Variants in ITSN1 observed in about 807,000 individuals in gnomAD.
ITSN1 encodes the protein intersectin 1.
A neutral mutation model predicts 239.8 loss-of-function variants in ITSN1; 58 were observed. That is an observed-to-expected ratio of 0.24 (90% CI 0.20 to 0.30). ITSN1 has a LOEUF of 0.30. Among genes scored for constraint, ITSN1 ranks in the 10% least tolerant of loss-of-function variants. The probability of loss-of-function intolerance (pLI) is 1.00; values close to 1 mark genes in which losing one functional copy is unlikely to be tolerated. For synonymous variants in ITSN1, 780 were observed against 770.8 expected (o/e 1.01, Z -0.20); for missense variants, 1,558 against 2,103.3 (o/e 0.74, Z 5.07).
chr21:33,688,215 T>G (rs1192879598), intron 1 of ITSN1, among the ~76,000 whole-genome samples: 1 of 152,202 alleles, frequency 6.6e-6, no homozygotes, highest in African/African-American at 2.4e-5. Context: ...CCATGAAGTT[T>G]AGGAAACTAA....
chr21:33,824,323 C>G (rs1267251458), intron 25 of ITSN1, among the ~76,000 whole-genome samples: 1 of 152,132 alleles, frequency 6.6e-6, no homozygotes, highest in Non-Finnish European at 1.5e-5. Context: ...GGACCTACCA[C>G]AGAGCATGGG....
chr21:33,787,164 G>T (rs567218388), intron 16 of ITSN1, among the ~76,000 whole-genome samples: 1 of 152,248 alleles, frequency 6.6e-6, no homozygotes, highest in Non-Finnish European at 1.5e-5. Flanking sequence ...GCTGGACAAG[G>T]TACTGTATAC....
In ITSN1 at chr21:33,765,912, G is replaced by C. The variant is rs1364810311; in HGVS notation, c.826G>C (p.Ala276Pro). The C allele has an allele frequency of 6.2e-7, 1 of 1,614,084 alleles. No individual in the cohort carries two copies. The highest frequency in any genetic ancestry group is 8.5e-7 in the Non-Finnish European group (1 of 1,179,954). The change falls in exon 10 of 40, where the codon GCA becomes CCA. Residue 276 changes from alanine to proline, a missense_variant. This residue lies in a region of ITSN1 where 982 missense variants were observed against 1,209.9 expected (regional missense o/e 0.81). Transcript: ENST00000381318. ...CATTGATCAAGATGGAAAACTTACA[G>C]CAGAGGAATTTATCCTGGCAATGCA... ...SDIDQDGKLT[A>P]EEFILAMHLI...
intron 16 of ITSN1, among the ~76,000 whole-genome samples, chr21:33,786,768 G>A (rs141367122): frequency 4.3e-4 from 65 of 152,298 alleles, no homozygotes; most frequent in Non-Finnish European, 6.3e-4. Flanking sequence ...TGTCTAGTCA[G>A]TGTGTACTGG....
Position 33,867,220 on chromosome 21 carries a change from C to T in ITSN1, c.4075-13C>T, listed in dbSNP as rs761952894. The T allele has an allele frequency of 1.3e-6, 2 of 1,539,836 alleles. No individual in the cohort carries two copies. Among genetic ancestry groups the T allele is most frequent in the Admixed American group, 1.7e-5 (1 of 59,798 alleles). On this transcript the variant is annotated splice_polypyrimidine_tract_variant and intron_variant, in intron 32 of 39. Transcript: ENST00000381318. ...CAAGTTTCTTAAGTACATTTAAAAA[C>T]ATCTCATTTCAGAGATTGGCAATGG...
chr21:33,890,352 A>G lies in ITSN1; in HGVS notation c.*2052A>G, dbSNP rs1427402276. ...TCTTCATTGACTTTATTTGCGTGTT[A>G]ATGTTGGACATCATTGTTCATGTAG... On this transcript the variant is annotated 3_prime_UTR_variant, in exon 40 of 40. Coordinates refer to ENST00000381318, the MANE Select transcript of ITSN1 (RefSeq NM_003024.3). 1.3e-5 allele frequency: 2 copies of G among 152,170 alleles called. No individual in the cohort carries two copies. The highest frequency in any genetic ancestry group is 1.3e-4 in the Admixed American group (2 of 15,290). The allele number at this position is 152,170 out of a possible 1,614,324, so 9.4% of individuals were successfully genotyped here.
intron 1 of ITSN1, among the ~76,000 whole-genome samples, chr21:33,676,018 A>G (rs1442204307): frequency 2.0e-5 from 3 of 150,600 alleles, no homozygotes; most frequent in Admixed American, 6.6e-5. Context: ...GCCATCCACT[A>G]TGATTTTCCT....
At chr21:33,648,073 C>T (rs2088145185) in intron 1 of ITSN1, among the ~76,000 whole-genome samples, 1 of 152,184 alleles carries the variant, frequency 6.6e-6, no homozygotes, top group African/African-American at 2.4e-5. Context: ...GACTTCCAGT[C>T]TCCCAGCCCC....
Position 33,858,792 on chromosome 21 carries a change from A to C in ITSN1, c.3890A>C (p.Lys1297Thr). ...ELIMCNIKLL[K>T]ALRVRKKMSG... ...ATTATGTGTAATATCAAACTACTAA[A>C]GTAAGCCTCTCCTCTAATCCCCAGC... is the stretch of plus-strand genomic sequence containing the variant. Residue 1297 changes from lysine to threonine, a missense_variant and splice_region_variant, in exon 31 of 40, where the codon AAA (lysine) becomes ACA (threonine). Lys to Thr is a moderately conservative substitution (Grantham distance 78). Around this residue, in one of 2 missense-constraint regions of ITSN1, gnomAD observed 576 missense variants for 893.3 expected, o/e 0.64. Transcript: ENST00000381318. 6.3e-7 allele frequency: 1 copy of C among 1,591,016 alleles called. No homozygotes were observed. Among genetic ancestry groups the C allele is most frequent in the Non-Finnish European group, 8.6e-7 (1 of 1,159,626 alleles).
intron 1 of ITSN1, among the ~76,000 whole-genome samples, chr21:33,704,946 AAT>A (rs759596071): frequency 0.13 from 16,792 of 126,608 alleles, 1,145 homozygotes; most frequent in African/African-American, 0.23. Context: ...AAAAAAAAAA[AAT>A]ACAAACAAAA....
chr21:33,851,647 C>T (rs1428175680), intron 29 of ITSN1, among the ~76,000 whole-genome samples: 1 of 151,742 alleles, frequency 6.6e-6, no homozygotes, highest in Non-Finnish European at 1.5e-5. Flanking sequence ...GATCCACCTG[C>T]CTCAGCCTCC....
At chr21:33,779,531 G>A (rs1335091067) in intron 14 of ITSN1, among the ~76,000 whole-genome samples, 1 of 152,190 alleles carries the variant, frequency 6.6e-6, no homozygotes, top group Non-Finnish European at 1.5e-5. Flanking sequence ...ATTAGGTAGA[G>A]TGTTCCCTAA....
chr21:33,735,314 T>G, intron 5 of ITSN1, 110 bp downstream of exon 5: 1 of 1,186,836 alleles, frequency 8.4e-7, no homozygotes, highest in South Asian at 1.3e-5. Flanking sequence ...AGGAGGTAAT[T>G]CTGTCTGAAA....
intron 24 of ITSN1, among the ~76,000 whole-genome samples, chr21:33,821,577 C>T (rs748253845): frequency 2.0e-5 from 3 of 152,174 alleles, no homozygotes; most frequent in Non-Finnish European, 4.4e-5. Context: ...GAACCTCTGC[C>T]TATCCATCAT....
At chr21:33,769,033 T>C (rs991162377) in intron 11 of ITSN1, among the ~76,000 whole-genome samples, 1 of 152,228 alleles carries the variant, frequency 6.6e-6, no homozygotes, top group East Asian at 1.9e-4. Flanking sequence ...ACCTCACTTA[T>C]GGTTGGTTGG....
At chr21:33,787,795 T>C (rs1327830630) in intron 16 of ITSN1, among the ~76,000 whole-genome samples, 1 of 152,208 alleles carries the variant, frequency 6.6e-6, no homozygotes, top group Non-Finnish European at 1.5e-5. Flanking sequence ...CAAATAGCCA[T>C]GTTGCTTTGT....
intron 33 of ITSN1, among the ~76,000 whole-genome samples, chr21:33,873,596 C>T (rs1602670973): frequency 6.6e-6 from 1 of 152,226 alleles, no homozygotes; most frequent in African/African-American, 2.4e-5. Context: ...GTGGGCCAGG[C>T]GTGGTGGCTC....
intron 1 of ITSN1, among the ~76,000 whole-genome samples, chr21:33,712,220 C>G (rs948853816): frequency 2.0e-5 from 3 of 151,798 alleles, no homozygotes; most frequent in African/African-American, 7.3e-5. Context: ...TCAGATTTTC[C>G]TACTTCTTTG....
chr21:33,755,505 A>C (rs974254996), intron 8 of ITSN1, 108 bp downstream of exon 8: 1 of 632,570 alleles, frequency 1.6e-6, no homozygotes, highest in African/African-American at 1.8e-5. Flanking sequence ...ATTTCTTGGC[A>C]GTGTTTCCTT....
Sources: allele counts gnomAD v4.1 joint callset (sites outside exome capture counted in the v4.1 genomes callset), GRCh38; gene constraint gnomAD v4.1.1; regional missense constraint gnomAD v4.1.1; transcripts MANE v1.5; gene names NCBI Gene and HGNC (gene_info 2026-07-23, HGNC 2026-07-21).